LEMD1: variants seen among roughly 807,000 people sequenced by gnomAD.
LEMD1 encodes the protein LEM domain containing 1.
In LEMD1, 18 loss-of-function variants were observed where a neutral mutation model predicts 17.4. The observed-to-expected ratio is 1.04, with a 90% CI of 0.72 to 1.54. The LOEUF (loss-of-function observed/expected upper bound fraction) is 1.54. Ranked by LOEUF, LEMD1 falls within the 40% of genes most tolerant of loss-of-function variation. The pLI is 0.00. For missense variants in LEMD1, 195 were observed against 210.4 expected (o/e 0.93, Z 0.45); for synonymous variants, 88 against 77.8 (o/e 1.13, Z -0.69).
At chr1:205,447,411 A>G (rs1666411315) in intron 1 of LEMD1, among the ~76,000 whole-genome samples, 1 of 152,168 alleles carries the variant, frequency 6.6e-6, no homozygotes, top group African/African-American at 2.4e-5. Flanking sequence ...CTGATTGTCA[A>G]TACCAAATCT....
intron 1 of LEMD1, among the ~76,000 whole-genome samples, chr1:205,433,517 T>C (rs1389735017): frequency 6.6e-6 from 1 of 152,142 alleles, no homozygotes; most frequent in Admixed American, 6.5e-5. Context: ...ATGTCTGGCT[T>C]TCCTACATTT....
intron 1 of LEMD1, chr1:205,437,857 C>T (rs1666233743): frequency 6.6e-6 from 1 of 152,220 alleles, no homozygotes; most frequent in African/African-American, 2.4e-5. Context: ...ACCTGGCTCC[C>T]AGCTCAGTGC....
At chr1:205,388,586 C>CA (rs1664161066) in intron 4 of LEMD1, among the ~76,000 whole-genome samples, 2 of 152,180 alleles carry the variant, frequency 1.3e-5, no homozygotes, top group Non-Finnish European at 2.9e-5. Flanking sequence ...GTTATTTGCC[C>CA]TAGACAACAC....
In LEMD1 at chr1:205,384,318, C is replaced by A. The variant is rs1663880912; in HGVS notation, c.317G>T (p.Cys106Phe). 6.6e-7 allele frequency: 1 copy of A among 1,522,330 alleles called. No individual in the cohort carries two copies. Among genetic ancestry groups the A allele is most frequent in the Admixed American group, 2.2e-5 (1 of 44,936 alleles). The allele number at this position is 1,522,330 out of a possible 1,614,324, so 94.3% of individuals were successfully genotyped here. Reference protein sequence around the residue: ...TTKRKAVDTYCLDYKPSKGRR... With the variant: ...TTKRKAVDTYFLDYKPSKGRR... The stretch of plus-strand genomic sequence containing the variant: ...TCCCTTGGAAGGCTTATAATCCAAG[C>A]AATAGGTATCTACAGCTTTGCGTTT... The change falls in exon 5 of 6, where the codon TGC becomes TTC. Residue 106 changes from cysteine (C) to phenylalanine (F), a missense_variant. Physicochemically the swap from Cys to Phe is radical, Grantham distance 205. Coordinates refer to ENST00000367153, the MANE Select transcript of LEMD1 (RefSeq NM_001199050.2).
At chr1:205,393,373 G>T (rs926995515) in intron 4 of LEMD1, among the ~76,000 whole-genome samples, 5 of 44,134 alleles carry the variant, frequency 1.1e-4, no homozygotes, top group African/African-American at 3.6e-4. Context: ...CAGTAGAATG[G>T]CTATTAAAAA....
intron 1 of LEMD1, among the ~76,000 whole-genome samples, chr1:205,431,603 C>T (rs531770200): frequency 6.6e-6 from 1 of 152,306 alleles, no homozygotes; most frequent in East Asian, 1.9e-4. Flanking sequence ...AGAGTTCCAC[C>T]CACTTTATAA....
chr1:205,438,324 C>T (rs1419556774), intron 1 of LEMD1, among the ~76,000 whole-genome samples: 1 of 152,222 alleles, frequency 6.6e-6, no homozygotes, highest in African/African-American at 2.4e-5. Flanking sequence ...AGCTCAGGGC[C>T]CCCACCTCAA....
upstream of LEMD1, among the ~76,000 whole-genome samples, chr1:205,426,369 A>C (rs1666055263): frequency 6.6e-6 from 1 of 152,268 alleles, no homozygotes; most frequent in Non-Finnish European, 1.5e-5. Flanking sequence ...TAAATGGAGA[A>C]ACCAACCAGA....
chr1:205,381,560 G>T lies in LEMD1; in HGVS notation c.*98C>A. The T allele has an allele frequency of 8.6e-7, 1 of 1,169,530 alleles. No homozygotes were observed. The highest frequency in any genetic ancestry group is 1.3e-6 in the Non-Finnish European group (1 of 783,022). The allele number at this position is 1,169,530 out of a possible 1,614,324, so 72.4% of individuals were successfully genotyped here. A position where few individuals can be genotyped will look rare whatever the true frequency, so the allele number is the denominator to read the frequency against. ...CAGTGCAAGGGAAGGCTCCCTGCAA[G>T]GGAGGGCTGCAGGCTAGGCTGGCCC... On this transcript the variant is annotated 3_prime_UTR_variant, in exon 6 of 6. Coordinates refer to ENST00000367153, the MANE Select transcript of LEMD1 (RefSeq NM_001199050.2).
At chr1:205,402,370 T>C (rs1339251430) in intron 4 of LEMD1, among the ~76,000 whole-genome samples, 1 of 152,182 alleles carries the variant, frequency 6.6e-6, no homozygotes, top group African/African-American at 2.4e-5. Context: ...GTATCCTCTT[T>C]TATTTCATTG....
At chr1:205,422,807 AG>A (rs1443304506), upstream of LEMD1, among the ~76,000 whole-genome samples, 1 of 152,240 alleles carries the variant, frequency 6.6e-6, no homozygotes, top group Non-Finnish European at 1.5e-5. Context: ...AGGGGTGAAG[AG>A]GACAGTGGAG....
At chr1:205,422,071 C>T (rs1291586568), upstream of LEMD1, 1 of 152,216 alleles carries the variant, frequency 6.6e-6, no homozygotes, top group African/African-American at 2.4e-5. Flanking sequence ...TTTCCACTAG[C>T]AACCAGTCCC....
At chr1:205,410,535 A>G (rs1665339814) in intron 4 of LEMD1, among the ~76,000 whole-genome samples, 1 of 152,188 alleles carries the variant, frequency 6.6e-6, no homozygotes, top group Admixed American at 6.5e-5. Context: ...GATCATCAAC[A>G]TCAGTAGAGG....
intron 1 of LEMD1, among the ~76,000 whole-genome samples, chr1:205,438,144 C>G (rs1666237329): frequency 6.6e-6 from 1 of 152,224 alleles, no homozygotes; most frequent in Non-Finnish European, 1.5e-5. Flanking sequence ...TTCCATTCAG[C>G]AGCCTGAAGC....
intron 5 of LEMD1, among the ~76,000 whole-genome samples, chr1:205,382,741 G>T (rs992610599): frequency 2.0e-5 from 3 of 152,194 alleles, no homozygotes; most frequent in Non-Finnish European, 4.4e-5. Context: ...TGTATAAGTG[G>T]ATGGGAAGCC....
intron 1 of LEMD1, chr1:205,435,218 G>C (rs1236029175): frequency 6.6e-6 from 1 of 152,210 alleles, no homozygotes; most frequent in Non-Finnish European, 1.5e-5. Context: ...CCCAGGTGCT[G>C]GGTTCAAATC....
At chr1:205,445,352 C>A (rs1341925518) in intron 1 of LEMD1, among the ~76,000 whole-genome samples, 1 of 152,224 alleles carries the variant, frequency 6.6e-6, no homozygotes, top group East Asian at 1.9e-4. Flanking sequence ...GGACTTCTTC[C>A]CGGAGTTGGC....
chr1:205,383,665 G>A lies in LEMD1; in HGVS notation c.347+623C>T, dbSNP rs1222510506. Among the ~76,000 whole-genome samples the A allele has an allele frequency of 6.0e-5, 8 of 134,156 alleles. No individual in the cohort carries two copies. In the South Asian group the frequency reaches 6.9e-4, roughly 12 times the overall value. The allele number at this position is 134,156 out of a possible 152,430, so 88.0% of individuals were successfully genotyped here. ...TTTTTTTTTTTTGAGGCAGAGTCTC[G>A]CTCTGTCACCCAGGCTGGAGTGCAG... is the stretch of plus-strand genomic sequence containing the variant. On this transcript the variant is annotated intron_variant, in intron 5 of 5. Transcript: ENST00000367153.
intron 1 of LEMD1, chr1:205,437,635 G>A (rs1193456132): frequency 6.6e-6 from 1 of 152,246 alleles, no homozygotes; most frequent in Non-Finnish European, 1.5e-5. Flanking sequence ...TGTGAGGGCA[G>A]AGGAAACCTG....
Sources: gnomAD v4.1 joint callset for allele counts (sites outside exome capture counted in the v4.1 genomes callset) on GRCh38, gnomAD v4.1.1 for gene constraint, MANE v1.5 for transcripts, NCBI Gene and HGNC (gene_info 2026-07-23, HGNC 2026-07-21) for gene names.